GBE1: variants seen among roughly 807,000 people sequenced by gnomAD.
GBE1 encodes 1,4-alpha-glucan-branching enzyme.
GBE1 carries 70 observed loss-of-function variants against 88.8 expected under a neutral mutation model. The observed-to-expected ratio is 0.79, with a 90% CI of 0.65 to 0.96. The LOEUF is 0.96. Ranked by LOEUF, GBE1 falls within the 40% of genes least tolerant of loss-of-function variation. The pLI is 0.00. For synonymous variants in GBE1, 284 were observed against 300.1 expected, an observed-to-expected ratio of 0.95 and a Z score of 0.56; for missense variants, 872 against 871.0, an observed-to-expected ratio of 1.00 and a Z score of -0.01.
chr3:81,688,168 T>C (rs188261703), intron 2 of GBE1, among the ~76,000 whole-genome samples: 58 of 152,356 alleles, frequency 3.8e-4, no homozygotes, highest in South Asian at 2.7e-3. Flanking sequence ...CTACAGTGGA[T>C]ATAGCTGACT....
chr3:81,665,484 C>G (rs62267083), intron 3 of GBE1, among the ~76,000 whole-genome samples: 16,472 of 148,950 alleles, frequency 0.11, 1,224 homozygotes, highest in Non-Finnish European at 0.16. Context: ...TGCAGTGAGC[C>G]GAGATTGCGC....
intron 1 of GBE1, among the ~76,000 whole-genome samples, chr3:81,744,584 T>G (rs1314398826): frequency 6.6e-6 from 1 of 152,156 alleles, no homozygotes; most frequent in Non-Finnish European, 1.5e-5. Context: ...AATTGCCTCA[T>G]TCCCATTAAA....
intron 14 of GBE1, among the ~76,000 whole-genome samples, chr3:81,504,598 C>T (rs1224506392): frequency 6.6e-6 from 1 of 151,726 alleles, no homozygotes; most frequent in Non-Finnish European, 1.5e-5. Context: ...CAAGAGCTTC[C>T]TAAGTATTTG....
At chr3:81,702,676 C>T (rs1389411867) in intron 2 of GBE1, among the ~76,000 whole-genome samples, 1 of 151,952 alleles carries the variant, frequency 6.6e-6, no homozygotes, top group Admixed American at 6.6e-5. Flanking sequence ...TTATGCAATA[C>T]ATCTTTATAA....
At chr3:81,718,634 T>C (rs1705976810) in intron 1 of GBE1, among the ~76,000 whole-genome samples, 1 of 152,090 alleles carries the variant, frequency 6.6e-6, no homozygotes, top group African/African-American at 2.4e-5. Flanking sequence ...TTTTGTTTGT[T>C]TTGTTTTGTT....
At chr3:81,563,937 G>C (rs1703455858) in intron 12 of GBE1, among the ~76,000 whole-genome samples, 2 of 150,944 alleles carry the variant, frequency 1.3e-5, no homozygotes, top group Admixed American at 1.3e-4. Flanking sequence ...GAGGGAGGAA[G>C]GAAGGGACGA....
intron 15 of GBE1, among the ~76,000 whole-genome samples, chr3:81,494,645 C>T (rs978998006): frequency 1.3e-5 from 2 of 152,070 alleles, no homozygotes; most frequent in African/African-American, 4.8e-5. Flanking sequence ...CATGAGACAA[C>T]GTAGTATACA....
intron 12 of GBE1, among the ~76,000 whole-genome samples, chr3:81,549,985 C>T (rs146344619): frequency 2.1e-4 from 32 of 151,396 alleles, no homozygotes; most frequent in African/African-American, 7.7e-4. Flanking sequence ...AACCAGTGAT[C>T]TCTGGATGCT....
chr3:81,573,303 T>C (rs1204612286), intron 12 of GBE1, among the ~76,000 whole-genome samples: 1 of 152,190 alleles, frequency 6.6e-6, no homozygotes, highest in Admixed American at 6.5e-5. Flanking sequence ...AAATTATCAG[T>C]CAATTGCTTC....
chr3:81,722,878 ACG>A (rs1491450460), intron 1 of GBE1, among the ~76,000 whole-genome samples: 4 of 130,696 alleles, frequency 3.1e-5, no homozygotes, highest in African/African-American at 6.0e-5. Flanking sequence ...GGGCACACAC[ACG>A]TGTGTGTGTG....
chr3:81,677,686 T>C (rs1341898903), intron 2 of GBE1, among the ~76,000 whole-genome samples: 1 of 152,086 alleles, frequency 6.6e-6, no homozygotes, highest in African/African-American at 2.4e-5. Flanking sequence ...CCCTGTGCTG[T>C]TTGATTTTCT....
intron 1 of GBE1, among the ~76,000 whole-genome samples, chr3:81,750,591 A>ATATATG (rs1706496702): frequency 1.9e-5 from 1 of 51,958 alleles, no homozygotes; most frequent in Non-Finnish European, 3.3e-5. Context: ...ATATATACGT[A>ATATATG]TATATATATG....
chr3:81,748,077 G>C (rs1199753047), intron 1 of GBE1, among the ~76,000 whole-genome samples: 5 of 151,962 alleles, frequency 3.3e-5, no homozygotes, highest in Non-Finnish European at 7.4e-5. Flanking sequence ...CCGAGATCAC[G>C]CCACTGCACT....
At chr3:81,726,805 C>T (rs1391397679) in intron 1 of GBE1, among the ~76,000 whole-genome samples, 2 of 152,120 alleles carry the variant, frequency 1.3e-5, no homozygotes, top group African/African-American at 4.8e-5. Flanking sequence ...TGGTCTCGGA[C>T]TCCTGACCTC....
At chr3:81,736,102 T>C (rs1706254260) in intron 1 of GBE1, among the ~76,000 whole-genome samples, 1 of 152,144 alleles carries the variant, frequency 6.6e-6, no homozygotes, top group African/African-American at 2.4e-5. Flanking sequence ...AATGGCAGCA[T>C]ATCCCAGTAA....
At chr3:81,754,822 C>A (rs1299670292) in intron 1 of GBE1, among the ~76,000 whole-genome samples, 1 of 152,052 alleles carries the variant, frequency 6.6e-6, no homozygotes, top group Non-Finnish European at 1.5e-5. Context: ...ACACAAAAAT[C>A]AAATCAAATG....
rs1204150589 is a variant in GBE1 at position 81,733,700 on chromosome 3, T to C, written c.143+27675A>G. On this transcript the variant is annotated intron_variant, in intron 1 of 15. Coordinates refer to ENST00000429644, the MANE Select transcript of GBE1 (RefSeq NM_000158.4). The surrounding 1 kb of genome is among the most constrained non-coding windows in gnomAD (Gnocchi z 4.0). ...GCCCCTCCACACTCAATTCCCGTTT[T>C]TATTATATTCTTCTATGTTTTCTTT... Among the ~76,000 whole-genome samples the C allele has an allele frequency of 6.6e-6, 1 of 152,182 alleles. No homozygotes were observed. The highest frequency in any genetic ancestry group is 2.4e-5 in the African/African-American group (1 of 41,440).
At chr3:81,750,618 T>G (rs1197669610) in intron 1 of GBE1, among the ~76,000 whole-genome samples, 1 of 65,130 alleles carries the variant, frequency 1.5e-5, no homozygotes, top group Non-Finnish European at 2.5e-5. Flanking sequence ...TATATATATG[T>G]ATATATATAT....
At chr3:81,709,258 G>C (rs1260865161) in intron 1 of GBE1, among the ~76,000 whole-genome samples, 1 of 151,968 alleles carries the variant, frequency 6.6e-6, no homozygotes, top group Non-Finnish European at 1.5e-5. Context: ...TAGATATGCA[G>C]GCCTGATGGA....
Sources: gnomAD v4.1 joint callset for allele counts (sites outside exome capture counted in the v4.1 genomes callset) on GRCh38, gnomAD v4.1.1 for gene constraint, Gnocchi (gnomAD v3.1) non-coding constraint, MANE v1.5 for transcripts, NCBI Gene and HGNC (gene_info 2026-07-23, HGNC 2026-07-21) for gene names.